The following NIBAN1 variants were observed in gnomAD, a reference collection of about 807,000 sequenced individuals.
NIBAN1 encodes protein Niban 1.
A neutral mutation model predicts 75.1 loss-of-function variants in NIBAN1; 81 were observed. The ratio of observed to expected loss-of-function variants is 1.08; its 90% CI spans 0.90 to 1.30. The LOEUF (loss-of-function observed/expected upper bound fraction) is 1.30, where lower values mean the gene tolerates loss of function less well. Ranked by LOEUF, NIBAN1 falls within the 50% of genes most tolerant of loss-of-function variation. NIBAN1 has a pLI of 0.00. For missense variants in NIBAN1, 1,133 were observed against 1,128.1 expected (o/e 1.00, Z -0.06); for synonymous variants, 436 against 424.8 (o/e 1.03, Z -0.32).
intron 4 of NIBAN1, among the ~76,000 whole-genome samples, chr1:184,889,588 T>A (rs945137314): frequency 6.6e-6 from 1 of 152,176 alleles, no homozygotes; most frequent in Non-Finnish European, 1.5e-5. Flanking sequence ...AAGATGGGAT[T>A]GTATATTTCA....
chr1:184,938,097 A>G (rs748055569), intron 1 of NIBAN1, among the ~76,000 whole-genome samples: 5 of 152,230 alleles, frequency 3.3e-5, no homozygotes, highest in African/African-American at 4.8e-5. Flanking sequence ...GGAGATTAAC[A>G]GGGAGCTGAT....
intron 1 of NIBAN1, among the ~76,000 whole-genome samples, chr1:184,951,042 T>C (rs234092): frequency 0.83 from 126,044 of 152,170 alleles, 52,374 homozygotes; most frequent in African/African-American, 0.88. Context: ...CATGGGAGCA[T>C]GAACTCAGCT....
rs538771776 is a variant in NIBAN1 at position 184,834,608 on chromosome 1, T to C, written c.602-2646A>G. On this transcript the variant is annotated intron_variant, in intron 5 of 13. Transcript: ENST00000367511. The stretch of plus-strand genomic sequence containing the variant: ...TGATTTGTGTTTCTCTGATGACCAG[T>C]GATGATGAGCATTTTTTCATGTGTC... Among the ~76,000 whole-genome samples, 3 of 152,348 alleles carry C rather than the reference T, an allele frequency of 2.0e-5. No homozygotes were observed. In the South Asian group the frequency reaches 6.2e-4, roughly 32 times the overall value.
chr1:184,876,663 T>A (rs1280060633), intron 5 of NIBAN1, among the ~76,000 whole-genome samples: 8 of 151,632 alleles, frequency 5.3e-5, no homozygotes, highest in Non-Finnish European at 1.2e-4. Context: ...ATAGCACCAC[T>A]GCACTCCAGC....
At chr1:184,863,015 C>T (rs1473316537) in intron 5 of NIBAN1, among the ~76,000 whole-genome samples, 2 of 152,222 alleles carry the variant, frequency 1.3e-5, no homozygotes, top group South Asian at 2.1e-4. Context: ...CCTCCGGAGG[C>T]ACCCCTGTGT....
Position 184,795,079 on chromosome 1 carries a change from C to T in NIBAN1, c.2685G>A (p.Val895=), listed in dbSNP as rs1653802121. Residue 895 remains valine, a synonymous_variant, in exon 14 of 14, where the codon GTG becomes GTA. Transcript: ENST00000367511. Reference sequence around the variant, plus strand: ...GGACATCCGGGTTTGGAGCATCCTCCACCACCCACTGACACTCATGAATAC... The same window carrying T: ...GGACATCCGGGTTTGGAGCATCCTCTACCACCCACTGACACTCATGAATAC... The part of the protein sequence containing the change: ...VARIHECQWV[V]EDAPNPDVLL... 3 of 1,614,118 alleles carry T rather than the reference C, an allele frequency of 1.9e-6. No homozygotes were observed. Among genetic ancestry groups the T allele is most frequent in the Non-Finnish European group, 2.5e-6 (3 of 1,180,038 alleles).
At chr1:184,867,183 C>A (rs943148281) in intron 5 of NIBAN1, among the ~76,000 whole-genome samples, 1 of 151,766 alleles carries the variant, frequency 6.6e-6, no homozygotes, top group East Asian at 1.9e-4. Context: ...CACACACACA[C>A]CCCTACACAC....
At chr1:184,909,713 A>G (rs1264465785) in intron 1 of NIBAN1, among the ~76,000 whole-genome samples, 1 of 152,228 alleles carries the variant, frequency 6.6e-6, no homozygotes, top group Non-Finnish European at 1.5e-5. Context: ...GTTTTGACCC[A>G]CTGTCCACAT....
At position 184,897,397 on chromosome 1, in the gene NIBAN1, A is replaced by T. The variant is rs558851850; in HGVS notation, c.186+1782T>A. On this transcript the variant is annotated intron_variant, in intron 2 of 13. Transcript: ENST00000367511. ...TTTTTTATTTGCCTTCTGGGACATTATGCTTTTCTGATTTTTCTCCTACTC... is the reference window on the plus strand; with the variant it reads ...TTTTTTATTTGCCTTCTGGGACATTTTGCTTTTCTGATTTTTCTCCTACTC... 8.6e-5 allele frequency among the ~76,000 whole-genome samples: 13 copies of T among 151,490 alleles called. No homozygotes were observed. The South Asian group carries it at 2.7e-3, about 32-fold the overall frequency.
At chr1:184,801,281 T>C (rs1300500729) in intron 12 of NIBAN1, among the ~76,000 whole-genome samples, 1 of 152,112 alleles carries the variant, frequency 6.6e-6, no homozygotes, top group Non-Finnish European at 1.5e-5. Flanking sequence ...GGTTCCTTTA[T>C]ACCCAACCAA....
At chr1:184,890,800 T>C (rs1355868302) in intron 3 of NIBAN1, among the ~76,000 whole-genome samples, 1 of 152,208 alleles carries the variant, frequency 6.6e-6, no homozygotes, top group Admixed American at 6.5e-5. Context: ...CACTGTGACA[T>C]CAGAACAAAT....
intron 5 of NIBAN1, among the ~76,000 whole-genome samples, chr1:184,866,752 T>A (rs1248275339): frequency 2.0e-5 from 3 of 152,196 alleles, no homozygotes; most frequent in African/African-American, 7.2e-5. Context: ...TTTAGACCAA[T>A]GGCAACTCAC....
At chr1:184,837,265 T>A (rs1377048242) in intron 5 of NIBAN1, among the ~76,000 whole-genome samples, 6 of 152,182 alleles carry the variant, frequency 3.9e-5, no homozygotes, top group Non-Finnish European at 8.8e-5. Context: ...TTTTAAGCAG[T>A]CTCCTGGCAA....
At chr1:184,831,723 C>G in intron 6 of NIBAN1, 124 bp downstream of exon 6, 1 of 690,724 alleles carries the variant, frequency 1.4e-6, no homozygotes, top group Non-Finnish European at 2.5e-6. Flanking sequence ...GAGAGATGGT[C>G]TTTGGAACCA....
chr1:184,808,033 T>C (rs774459995), intron 10 of NIBAN1, 41 bp downstream of exon 10: 1 of 1,611,130 alleles, frequency 6.2e-7, no homozygotes, highest in East Asian at 2.2e-5. Flanking sequence ...CTCTGCTCTC[T>C]CTTTACCCTC....
chr1:184,822,777 C>T lies in NIBAN1; in HGVS notation c.985+390G>A, dbSNP rs530776313. Among the ~76,000 whole-genome samples the T allele has an allele frequency of 9.2e-5, 14 of 152,294 alleles. No individual in the cohort carries two copies. The South Asian group carries it at 2.1e-3, about 23-fold the overall frequency. ...ATTTGCTGAGTCTGTATATGCCAGG[C>T]GTGACACCAGGCCCTGGGTGTACTT... On this transcript the variant is annotated intron_variant, in intron 8 of 13. Coordinates refer to ENST00000367511, the MANE Select transcript of NIBAN1 (RefSeq NM_052966.4).
In NIBAN1 at chr1:184,865,388, A is replaced by G. The variant is rs189948544; in HGVS notation, c.601+19245T>C. 2.0e-5 allele frequency among the ~76,000 whole-genome samples: 3 copies of G among 152,330 alleles called. No individual in the cohort carries two copies. In the East Asian group the frequency reaches 5.8e-4, roughly 29 times the overall value. On this transcript the variant is annotated intron_variant, in intron 5 of 13. Transcript: ENST00000367511. ...AACCAAATACCTCATGTTCTCACTTATAAGTGGGAGCCACACATTGAGTAC... is the reference window on the plus strand; with the variant it reads ...AACCAAATACCTCATGTTCTCACTTGTAAGTGGGAGCCACACATTGAGTAC...
rs1653698745 is a variant in NIBAN1 at position 184,791,670 on chromosome 1, T to A, written c.*3307A>T. The A allele has an allele frequency of 1.3e-5, 2 of 152,126 alleles. No individual in the cohort carries two copies. 9.4% of individuals were successfully genotyped at this position (152,126 alleles called of 1,614,324 possible). ...GTCATGGAGTTTTTGCCAAAAACCA[T>A]GTCTCGAGGTTTTATGCATTTCTAA... On this transcript the variant is annotated 3_prime_UTR_variant, in exon 14 of 14. Transcript: ENST00000367511.
intron 1 of NIBAN1, among the ~76,000 whole-genome samples, chr1:184,915,588 A>G (rs541123434): frequency 6.6e-6 from 1 of 152,302 alleles, no homozygotes; most frequent in South Asian, 2.1e-4. Context: ...GGAATAGAAT[A>G]ATATATAAGG....
Sources: allele counts gnomAD v4.1 joint callset (sites outside exome capture counted in the v4.1 genomes callset), GRCh38; gene constraint gnomAD v4.1.1; transcripts MANE v1.5; gene names NCBI Gene and HGNC (gene_info 2026-07-23, HGNC 2026-07-21).